DGKB: variants seen among roughly 807,000 people sequenced by gnomAD.
DGKB encodes diacylglycerol kinase beta.
A neutral mutation model predicts 114.3 loss-of-function variants in DGKB; 67 were observed. The observed-to-expected ratio is 0.59, with a 90% CI of 0.48 to 0.72. The LOEUF (loss-of-function observed/expected upper bound fraction) is 0.72, where lower values mean the gene tolerates loss of function less well. Among genes scored for constraint, DGKB ranks in the 30% least tolerant of loss-of-function variants. The pLI, the probability that DGKB is intolerant of heterozygous loss-of-function variation, is 0.00. For missense variants in DGKB, 907 were observed against 975.2 expected, an observed-to-expected ratio of 0.93 and a Z score of 0.93; for synonymous variants, 398 against 323.1, an observed-to-expected ratio of 1.23 and a Z score of -2.49.
At chr7:14,434,159 A>G (rs1460731592) in intron 21 of DGKB, among the ~76,000 whole-genome samples, 2 of 152,186 alleles carry the variant, frequency 1.3e-5, no homozygotes, top group Non-Finnish European at 1.5e-5. Context: ...ATGAAGACAA[A>G]TTAAGATGGA....
chr7:14,175,008 G>A (rs1781515534), intron 25 of DGKB, among the ~76,000 whole-genome samples: 1 of 152,216 alleles, frequency 6.6e-6, no homozygotes, highest in South Asian at 2.1e-4. Flanking sequence ...CAACGTTTGA[G>A]CCAGTAGTTT....
chr7:14,925,593 A>G (rs1437837465), intron 1 of DGKB, among the ~76,000 whole-genome samples: 1 of 152,188 alleles, frequency 6.6e-6, no homozygotes. Context: ...TTTAAGTTTC[A>G]GCATATATAT....
intron 23 of DGKB, among the ~76,000 whole-genome samples, chr7:14,212,397 A>ATGTTTTGTGATATTTACTCTCG (rs1562634107): frequency 2.4e-5 from 1 of 41,076 alleles, no homozygotes; most frequent in Non-Finnish European, 5.5e-5. Flanking sequence ...ATTTACTCTC[A>ATGTTTTGTGATATTTACTCTCG]TGTTTTGTGA....
At chr7:14,724,810 TC>T (rs1006369113) in intron 5 of DGKB, among the ~76,000 whole-genome samples, 1 of 152,152 alleles carries the variant, frequency 6.6e-6, no homozygotes, top group Non-Finnish European at 1.5e-5. Context: ...ATCATCTCAT[TC>T]CAAACTTTGG....
chr7:14,937,372 T>G (rs565650833), intron 1 of DGKB, among the ~76,000 whole-genome samples: 1 of 152,074 alleles, frequency 6.6e-6, no homozygotes, highest in Non-Finnish European at 1.5e-5. Flanking sequence ...CCAGGTACAT[T>G]GCATATTTTC....
chr7:14,566,661 G>A (rs972419469), intron 20 of DGKB, among the ~76,000 whole-genome samples: 9 of 152,036 alleles, frequency 5.9e-5, no homozygotes, highest in African/African-American at 1.7e-4. Flanking sequence ...AGGAGACTTC[G>A]AGACATGGTG....
At chr7:14,240,144 T>C (rs1356684854) in intron 23 of DGKB, among the ~76,000 whole-genome samples, 1 of 152,046 alleles carries the variant, frequency 6.6e-6, no homozygotes, top group Non-Finnish European at 1.5e-5. Context: ...AATATATATA[T>C]GCCCAATAAG....
chr7:14,714,684 C>T (rs758488066), intron 6 of DGKB, among the ~76,000 whole-genome samples: 7 of 152,120 alleles, frequency 4.6e-5, no homozygotes, highest in Non-Finnish European at 1.0e-4. Flanking sequence ...ACACTGAGCA[C>T]TGAAGGCCAG....
At chr7:14,782,989 T>G (rs531666619) in intron 2 of DGKB, among the ~76,000 whole-genome samples, 2 of 152,274 alleles carry the variant, frequency 1.3e-5, no homozygotes, top group South Asian at 4.2e-4. Flanking sequence ...TGAGCCTGTC[T>G]GGCTCACATA....
intron 23 of DGKB, among the ~76,000 whole-genome samples, chr7:14,260,824 T>TA (rs2128411909): frequency 6.6e-6 from 1 of 152,334 alleles, no homozygotes; most frequent in East Asian, 1.9e-4. Flanking sequence ...GGTAAGGTTA[T>TA]AATTAAAACT....
chr7:14,694,009 C>T lies in DGKB; in HGVS notation c.711+66G>A, dbSNP rs185827387. On this transcript the variant is annotated intron_variant, in intron 9 of 25. Coordinates refer to ENST00000402815, the MANE Select transcript of DGKB (RefSeq NM_001350709.2). ...GAAAATGGTCACATCAATCTGTAAT[C>T]AAAATGTGTAATAGAGAGCCCCACT... 3,009 of 1,518,428 alleles carry T rather than the reference C, an allele frequency of 2.0e-3. 4 individuals carry two copies. Among genetic ancestry groups the T allele is most frequent in the Non-Finnish European group, 2.5e-3 (2,780 of 1,128,640 alleles). The allele number at this position is 1,518,428 out of a possible 1,614,324, so 94.1% of individuals were successfully genotyped here. A position where few individuals can be genotyped will look rare whatever the true frequency, so the allele number is the denominator to read the frequency against.
At chr7:14,809,118 A>T (rs555133385) in intron 2 of DGKB, among the ~76,000 whole-genome samples, 1 of 152,300 alleles carries the variant, frequency 6.6e-6, no homozygotes, top group African/African-American at 2.4e-5. Flanking sequence ...CTACTGCATT[A>T]TAAAACAAGT....
At chr7:14,650,051 A>G (rs1307262753) in intron 13 of DGKB, among the ~76,000 whole-genome samples, 1 of 152,148 alleles carries the variant, frequency 6.6e-6, no homozygotes, top group East Asian at 1.9e-4. Context: ...ATAAAGGGAG[A>G]CTTTAACACC....
At chr7:14,211,091 C>T (rs7777813) in intron 23 of DGKB, among the ~76,000 whole-genome samples, 2 of 152,010 alleles carry the variant, frequency 1.3e-5, no homozygotes, top group Non-Finnish European at 2.9e-5. Context: ...TCACTGTGTT[C>T]TCCTACTCAC....
At chr7:14,514,887 C>T (rs1788539267) in intron 20 of DGKB, among the ~76,000 whole-genome samples, 1 of 151,788 alleles carries the variant, frequency 6.6e-6, no homozygotes. Flanking sequence ...GACCACAACT[C>T]TAGGGAAAAA....
intron 21 of DGKB, among the ~76,000 whole-genome samples, chr7:14,355,474 G>A (rs1486724803): frequency 6.6e-6 from 1 of 152,158 alleles, no homozygotes; most frequent in Non-Finnish European, 1.5e-5. Context: ...TTTATTGAGA[G>A]TTTTTAGCAT....
chr7:14,683,957 G>C (rs1055885202), intron 10 of DGKB, among the ~76,000 whole-genome samples: 2 of 151,882 alleles, frequency 1.3e-5, no homozygotes, highest in Admixed American at 6.6e-5. Flanking sequence ...TTATCATTTT[G>C]TTTTATGTGT....
intron 1 of DGKB, among the ~76,000 whole-genome samples, chr7:14,919,945 G>A (rs1291224513): frequency 1.3e-5 from 2 of 152,138 alleles, no homozygotes; most frequent in Non-Finnish European, 1.5e-5. Flanking sequence ...CCAGCACTAT[G>A]CTTCTTGTAC....
At position 14,399,457 on chromosome 7, in the gene DGKB, AATT is replaced by A. The variant is rs74274164; in HGVS notation, c.1836-54069_1836-54067del. On this transcript the variant is annotated intron_variant, in intron 21 of 25. Transcript: ENST00000402815. ...GTTTGATATTAGTTAAATTTAGAAA[AATT>A]ATATTTTATTAATAACAATACTTAC... 5.3e-3 allele frequency among the ~76,000 whole-genome samples: 798 copies of A among 151,652 alleles called. 5 individuals carry two copies. Among genetic ancestry groups the A allele is most frequent in the Middle Eastern group, 0.017 (5 of 294 alleles).
Sources: gnomAD v4.1 joint callset for allele counts (sites outside exome capture counted in the v4.1 genomes callset) on GRCh38, gnomAD v4.1.1 for gene constraint, MANE v1.5 for transcripts, NCBI Gene and HGNC (gene_info 2026-07-23, HGNC 2026-07-21) for gene names.